C12orf42: variants seen among roughly 807,000 people sequenced by gnomAD.
The protein encoded by C12orf42 is chromosome 12 open reading frame 42.
In C12orf42, 25 loss-of-function variants were observed where a neutral mutation model predicts 21.6. The ratio of observed to expected loss-of-function variants is 1.16; its 90% confidence interval spans 0.84 to 1.62. The LOEUF is 1.62. Among genes scored for constraint, C12orf42 ranks in the 40% most tolerant of loss-of-function variants. C12orf42 has a pLI of 0.00. For synonymous variants in C12orf42, 174 were observed against 175.0 expected (o/e 0.99, Z 0.05); for missense variants, 483 against 459.3 (o/e 1.05, Z -0.47).
the C12orf42 span, among the ~76,000 whole-genome samples, chr12:103,135,823 C>T: frequency 0.35 from 53,001 of 151,998 alleles, 9,710 homozygotes; most frequent in East Asian, 0.49. Flanking sequence ...GTTATTGCAA[C>T]AGACACAGTA....
chr12:103,407,320 C>G (rs1281104693), intron 2 of C12orf42, among the ~76,000 whole-genome samples: 2 of 152,112 alleles, frequency 1.3e-5, no homozygotes, highest in Non-Finnish European at 2.9e-5. Flanking sequence ...CAGAAAAATA[C>G]AGTAGACCTT....
the C12orf42 span, among the ~76,000 whole-genome samples, chr12:103,206,397 G>C: frequency 2.6e-5 from 4 of 152,142 alleles, no homozygotes; most frequent in African/African-American, 9.7e-5. Flanking sequence ...AAAAATGAGG[G>C]AGCTATTACT....
the C12orf42 span, among the ~76,000 whole-genome samples, chr12:103,120,565 G>T: frequency 6.6e-6 from 1 of 151,942 alleles, no homozygotes; most frequent in Non-Finnish European, 1.5e-5. Flanking sequence ...TTGACTTAAG[G>T]AACATAAATC....
At chr12:103,390,567 C>A (rs768823266) in intron 3 of C12orf42, among the ~76,000 whole-genome samples, 2 of 152,050 alleles carry the variant, frequency 1.3e-5, no homozygotes, top group Non-Finnish European at 1.5e-5. Flanking sequence ...GAAACAGAAC[C>A]GATAGGATAT....
chr12:103,400,571 C>CTTTTATT (rs1463578986), intron 3 of C12orf42, among the ~76,000 whole-genome samples: 2 of 152,304 alleles, frequency 1.3e-5, no homozygotes, highest in African/African-American at 4.8e-5. Flanking sequence ...CTATATTCCT[C>CTTTTATT]TGCTTTAGTG....
the C12orf42 span, among the ~76,000 whole-genome samples, chr12:103,217,323 C>T: frequency 6.6e-6 from 1 of 152,034 alleles, no homozygotes; most frequent in Admixed American, 6.5e-5. Flanking sequence ...TCAAGACCAG[C>T]CTGGTCAGCA....
the C12orf42 span, among the ~76,000 whole-genome samples, chr12:103,076,827 T>C: frequency 3.9e-5 from 6 of 152,206 alleles, no homozygotes; most frequent in Non-Finnish European, 8.8e-5. Context: ...GGTATAATTA[T>C]TATGTATCTC....
chr12:103,356,190 C>A (rs1449937762), intron 4 of C12orf42, among the ~76,000 whole-genome samples: 1 of 152,048 alleles, frequency 6.6e-6, no homozygotes, highest in African/African-American at 2.4e-5. Flanking sequence ...TTTATGCCTC[C>A]TCCCTTCTCT....
the C12orf42 span, among the ~76,000 whole-genome samples, chr12:103,516,884 T>C: frequency 6.6e-6 from 1 of 152,152 alleles, no homozygotes; most frequent in African/African-American, 2.4e-5. Context: ...CCTGATATAA[T>C]AGAGAGCACG....
the C12orf42 span, among the ~76,000 whole-genome samples, chr12:103,223,987 C>A: frequency 6.6e-6 from 1 of 152,162 alleles, no homozygotes; most frequent in Non-Finnish European, 1.5e-5. Flanking sequence ...AACTGCTTGG[C>A]TGATTTGACT....
the C12orf42 span, among the ~76,000 whole-genome samples, chr12:103,134,909 G>C: frequency 4.6e-5 from 7 of 151,928 alleles, no homozygotes; most frequent in African/African-American, 1.7e-4. Flanking sequence ...ATGCTAACAG[G>C]GTATTTCTCA....
At chr12:103,078,603 GTGGATCTAT>G in the C12orf42 span, among the ~76,000 whole-genome samples, 3 of 152,210 alleles carry the variant, frequency 2.0e-5, no homozygotes, top group African/African-American at 7.2e-5. Flanking sequence ...GCTTCATATA[GTGGATCTAT>G]GGTAATCCAT....
At chr12:103,137,843 G>A in the C12orf42 span, among the ~76,000 whole-genome samples, 4 of 152,114 alleles carry the variant, frequency 2.6e-5, no homozygotes, top group Non-Finnish European at 5.9e-5. Context: ...GTAGAGAGTA[G>A]AATGATAGAC....
the C12orf42 span, among the ~76,000 whole-genome samples, chr12:103,127,488 A>G: frequency 6.6e-6 from 1 of 152,154 alleles, no homozygotes; most frequent in Non-Finnish European, 1.5e-5. Flanking sequence ...GCATGGAATG[A>G]AAATAGAAGT....
the C12orf42 span, among the ~76,000 whole-genome samples, chr12:103,091,558 TA>T: frequency 2.0e-5 from 3 of 152,118 alleles, no homozygotes; most frequent in Non-Finnish European, 4.4e-5. Flanking sequence ...AAGTTCCATC[TA>T]AAAAAATTCA....
intron 5 of C12orf42, chr12:103,270,108 G>C (rs1454049484): frequency 6.6e-6 from 1 of 152,040 alleles, no homozygotes; most frequent in African/African-American, 2.4e-5. Flanking sequence ...TTTTGAGCAG[G>C]GGAGCCATAT....
At chr12:103,369,051 G>T in intron 3 of C12orf42, 53 bp from the exon 4 acceptor site, 1 of 910,482 alleles carries the variant, frequency 1.1e-6, no homozygotes, top group Non-Finnish European at 1.7e-6. Context: ...AATGGCTCCA[G>T]AATAATTCAT....
downstream of C12orf42, among the ~76,000 whole-genome samples, chr12:103,264,733 G>T (rs773224405): frequency 1.3e-5 from 2 of 152,084 alleles, no homozygotes; most frequent in Non-Finnish European, 2.9e-5. Flanking sequence ...TGTAACAAGT[G>T]CTAAAAAATA....
At chr12:103,333,996 T>G (rs909988852) in intron 4 of C12orf42, among the ~76,000 whole-genome samples, 2 of 152,214 alleles carry the variant, frequency 1.3e-5, no homozygotes, top group African/African-American at 4.8e-5. Flanking sequence ...TTAATTAAAA[T>G]TTAAGTCACT....
Sources: allele counts gnomAD v4.1 joint callset (sites outside exome capture counted in the v4.1 genomes callset), GRCh38; gene constraint gnomAD v4.1.1; transcripts MANE v1.5; gene names NCBI Gene and HGNC (gene_info 2026-07-23, HGNC 2026-07-21).